The following DGKB variants were observed in gnomAD, a reference collection of about 807,000 sequenced individuals.
DGKB encodes the protein diacylglycerol kinase beta.
DGKB carries 67 observed loss-of-function variants against 114.3 expected under a neutral mutation model. The ratio of observed to expected loss-of-function variants is 0.59; its 90% CI spans 0.48 to 0.72. The LOEUF is 0.72. Among genes scored for constraint, DGKB ranks in the 30% least tolerant of loss-of-function variants. DGKB has a pLI of 0.00. For missense variants in DGKB, 907 were observed against 975.2 expected (o/e 0.93, Z 0.93); for synonymous variants, 398 against 323.1 (o/e 1.23, Z -2.49).
At chr7:14,525,438 T>G (rs1790489733) in intron 20 of DGKB, among the ~76,000 whole-genome samples, 1 of 152,190 alleles carries the variant, frequency 6.6e-6, no homozygotes, top group Admixed American at 6.5e-5. Flanking sequence ...GAAATTATAC[T>G]CTTTTGTCAT....
Position 14,583,057 on chromosome 7 carries a change from C to T in DGKB, c.1514G>A (p.Cys505Tyr), listed in dbSNP as rs61757212. ...TAAGTATGTGTCTGCATTACCTATGCAATCCAAAACCCAGCCCACGGTTCC... is the reference window on the plus strand; with the variant it reads ...TAAGTATGTGTCTGCATTACCTATGTAATCCAAAACCCAGCCCACGGTTCC... ...GDGTVGWVLD[C>Y]IEKANVGKHP... The change falls in exon 18 of 26, where the codon TGC (cysteine) becomes TAC (tyrosine). Residue 505 changes from cysteine to tyrosine, a missense_variant. Around this residue, in one of 3 missense-constraint regions of DGKB, gnomAD observed 814 missense variants for 856.6 expected, o/e 0.95. Coordinates refer to ENST00000402815, the MANE Select transcript of DGKB (RefSeq NM_001350709.2). 99 of 1,608,076 alleles carry T rather than the reference C, an allele frequency of 6.2e-5. No individual in the cohort carries two copies. The highest frequency in any genetic ancestry group is 7.9e-5 in the Non-Finnish European group (93 of 1,174,894).
At chr7:14,786,587 G>T (rs1420715743) in intron 2 of DGKB, among the ~76,000 whole-genome samples, 1 of 152,222 alleles carries the variant, frequency 6.6e-6, no homozygotes, top group Non-Finnish European at 1.5e-5. Context: ...TGCACTCCCA[G>T]GCACAGCTGC....
At chr7:14,244,669 C>CAAAAAAAAAA (rs34364672) in intron 23 of DGKB, among the ~76,000 whole-genome samples, 3 of 46,386 alleles carry the variant, frequency 6.5e-5, no homozygotes, top group African/African-American at 1.7e-4. Context: ...GACTCTGTCT[C>CAAAAAAAAAA]AAAAAAAAAA....
chr7:14,213,287 G>T (rs754357506), intron 23 of DGKB, among the ~76,000 whole-genome samples: 1 of 151,736 alleles, frequency 6.6e-6, no homozygotes, highest in Admixed American at 6.6e-5. Context: ...CATTTTTTCT[G>T]TTAACAATGC....
At chr7:14,345,467 G>A (rs1812331027) in intron 21 of DGKB, 76 bp from the exon 22 acceptor site, 1 of 718,232 alleles carries the variant, frequency 1.4e-6, no homozygotes, top group African/African-American at 1.8e-5. Context: ...GTCTAACTCT[G>A]TCTTGTGTTA....
chr7:14,788,354 T>C (rs942066910), intron 2 of DGKB, among the ~76,000 whole-genome samples: 7 of 152,234 alleles, frequency 4.6e-5, no homozygotes, highest in African/African-American at 2.4e-5. Context: ...CTATTAACTA[T>C]GCCTTTTATT....
chr7:14,824,715 A>C (rs1236301013), intron 2 of DGKB, among the ~76,000 whole-genome samples: 1 of 152,006 alleles, frequency 6.6e-6, no homozygotes, highest in East Asian at 1.9e-4. Context: ...TGTGTTGTTT[A>C]TGTACATTTA....
At chr7:14,218,183 C>T (rs1265302842) in intron 23 of DGKB, among the ~76,000 whole-genome samples, 3 of 151,920 alleles carry the variant, frequency 2.0e-5, no homozygotes, top group Admixed American at 6.6e-5. Context: ...AGTTTCAATA[C>T]GAGGTATTCC....
At chr7:14,640,294 A>G (rs956226979) in intron 13 of DGKB, among the ~76,000 whole-genome samples, 1 of 152,230 alleles carries the variant, frequency 6.6e-6, no homozygotes. Context: ...GAATTAAGGC[A>G]GAGAATACTA....
chr7:14,894,355 G>A lies in DGKB; in HGVS notation c.-188+8237C>T, dbSNP rs575950607. On this transcript the variant is annotated intron_variant, in intron 1 of 25. Coordinates refer to ENST00000402815, the MANE Select transcript of DGKB (RefSeq NM_001350709.2). ...CAGCAAAACGCATATTAGAGAACCAGAGAGGATGGCACCTTCTCTTTGATC... is the reference window on the plus strand; with the variant it reads ...CAGCAAAACGCATATTAGAGAACCAAAGAGGATGGCACCTTCTCTTTGATC... Among the ~76,000 whole-genome samples the A allele has an allele frequency of 4.0e-5, 6 of 151,532 alleles. No individual in the cohort carries two copies. In the East Asian group the frequency reaches 9.7e-4, roughly 24 times the overall value.
intron 20 of DGKB, among the ~76,000 whole-genome samples, chr7:14,540,580 C>A (rs945149017): frequency 6.6e-6 from 1 of 152,076 alleles, no homozygotes; most frequent in Admixed American, 6.6e-5. Flanking sequence ...GTTGCTAATT[C>A]GTTTATCTGA....
chr7:14,191,801 A>G (rs1205578642), intron 23 of DGKB: 1 of 410,880 alleles, frequency 2.4e-6, no homozygotes, highest in African/African-American at 2.1e-5. Context: ...TCAGGTGACT[A>G]TTCTGCACCA....
intron 21 of DGKB, among the ~76,000 whole-genome samples, chr7:14,464,133 C>T (rs79149852): frequency 0.021 from 3,223 of 151,498 alleles, 47 homozygotes; most frequent in Middle Eastern, 0.038. Context: ...CTTTAAATTA[C>T]TTTAGTTATA....
At chr7:14,817,762 A>G (rs1338982654) in intron 2 of DGKB, among the ~76,000 whole-genome samples, 1 of 152,192 alleles carries the variant, frequency 6.6e-6, no homozygotes, top group African/African-American at 2.4e-5. Flanking sequence ...CCAATTGTCT[A>G]CTTAGTGTCT....
At chr7:14,841,164 T>A (rs1388546941) in intron 2 of DGKB, 30 bp downstream of exon 2, 7 of 1,560,400 alleles carry the variant, frequency 4.5e-6, no homozygotes, top group Non-Finnish European at 6.2e-6. Flanking sequence ...AAATGTCAAA[T>A]AATCTCATAA....
At chr7:14,824,622 G>C (rs1004544971) in intron 2 of DGKB, among the ~76,000 whole-genome samples, 2 of 151,952 alleles carry the variant, frequency 1.3e-5, no homozygotes, top group Non-Finnish European at 2.9e-5. Flanking sequence ...AAGAAATATT[G>C]GTAAAGATTT....
At chr7:14,271,990 G>A (rs925722480) in intron 23 of DGKB, among the ~76,000 whole-genome samples, 1 of 152,288 alleles carries the variant, frequency 6.6e-6, no homozygotes, top group East Asian at 1.9e-4. Context: ...ATTGTACCAT[G>A]TTAGCACTAT....
At chr7:14,855,060 T>TA (rs963742222) in intron 1 of DGKB, among the ~76,000 whole-genome samples, 5 of 152,134 alleles carry the variant, frequency 3.3e-5, no homozygotes, top group African/African-American at 9.7e-5. Context: ...TGTAGGTTTC[T>TA]AAAAAAAGCT....
chr7:14,932,957 G>A (rs2128251574), intron 1 of DGKB, among the ~76,000 whole-genome samples: 1 of 152,260 alleles, frequency 6.6e-6, no homozygotes, highest in Non-Finnish European at 1.5e-5. Context: ...TGGCACTGGA[G>A]CTGCTACTGT....
Sources: gnomAD v4.1 joint callset for allele counts (sites outside exome capture counted in the v4.1 genomes callset) on GRCh38, gnomAD v4.1.1 for gene constraint, gnomAD v4.1.1 regional missense constraint, MANE v1.5 for transcripts, NCBI Gene and HGNC (gene_info 2026-07-23, HGNC 2026-07-21) for gene names.